The following MAD1L1 variants were observed in gnomAD, a reference collection of about 807,000 sequenced individuals.
MAD1L1 encodes mitotic arrest deficient 1 like 1.
A neutral mutation model predicts 96.9 loss-of-function variants in MAD1L1; 95 were observed. That is an observed-to-expected ratio of 0.98 (90% CI 0.83 to 1.16). The LOEUF (loss-of-function observed/expected upper bound fraction) is 1.16. Among genes scored for constraint, MAD1L1 ranks in the 50% most tolerant of loss-of-function variants. The pLI is 0.00. For missense variants in MAD1L1, 1,007 were observed against 954.4 expected (o/e 1.06, Z -0.73); for synonymous variants, 473 against 396.6 (o/e 1.19, Z -2.29).
In MAD1L1 at chr7:1,879,213, C is replaced by A. The variant is rs143479714; in HGVS notation, c.1998+18987G>T. Among the ~76,000 whole-genome samples, 76 of 152,148 alleles carry A rather than the reference C, an allele frequency of 5.0e-4. 1 individual carries two copies. In the East Asian group the frequency reaches 0.014, roughly 29 times the overall value. On this transcript the variant is annotated intron_variant, in intron 18 of 18. Transcript: ENST00000265854. ...TCCCGGCCGGGTGCAGTGGCTCATGCCTGTATTACAGGCAGGTGGATTGCC... is the reference window on the plus strand; with the variant it reads ...TCCCGGCCGGGTGCAGTGGCTCATGACTGTATTACAGGCAGGTGGATTGCC...
At chr7:1,882,594 C>T (rs549484698) in intron 18 of MAD1L1, among the ~76,000 whole-genome samples, 39 of 152,322 alleles carry the variant, frequency 2.6e-4, no homozygotes, top group Admixed American at 2.1e-3. Flanking sequence ...CCCGTGGCCA[C>T]AGGGTCCTGC....
intron 12 of MAD1L1, among the ~76,000 whole-genome samples, chr7:2,033,589 C>T (rs920822530): frequency 1.3e-5 from 2 of 152,230 alleles, no homozygotes; most frequent in African/African-American, 4.8e-5. Context: ...GAAAAATCAA[C>T]AATCAACAGA....
intron 17 of MAD1L1, among the ~76,000 whole-genome samples, chr7:1,915,752 A>G (rs1788347126): frequency 6.6e-6 from 1 of 152,184 alleles, no homozygotes; most frequent in Non-Finnish European, 1.5e-5. Context: ...AAACGACCCA[A>G]TGTCCACACG....
At chr7:1,941,354 G>A (rs73051862) in intron 16 of MAD1L1, among the ~76,000 whole-genome samples, 2 of 152,154 alleles carry the variant, frequency 1.3e-5, no homozygotes, top group Admixed American at 1.3e-4. Flanking sequence ...TTTCCCCCCT[G>A]ATGGGGGGCT....
chr7:2,135,277 A>G (rs1244149045), intron 11 of MAD1L1, among the ~76,000 whole-genome samples: 2 of 152,210 alleles, frequency 1.3e-5, no homozygotes, highest in Non-Finnish European at 2.9e-5. Context: ...ACTCCAAAAG[A>G]AGAGACCGTG....
At chr7:2,057,214 C>G (rs1348121149) in intron 12 of MAD1L1, among the ~76,000 whole-genome samples, 1 of 152,240 alleles carries the variant, frequency 6.6e-6, no homozygotes, top group African/African-American at 2.4e-5. Context: ...GCCAGGCTCA[C>G]AGGAGACGCA....
intron 11 of MAD1L1, among the ~76,000 whole-genome samples, chr7:2,106,455 C>T (rs565175021): frequency 2.0e-5 from 3 of 152,182 alleles, no homozygotes; most frequent in South Asian, 2.1e-4. Flanking sequence ...TTCCCACATG[C>T]GCTCCTGGAA....
chr7:2,226,363 T>C (rs960884051), intron 3 of MAD1L1, among the ~76,000 whole-genome samples: 5 of 149,910 alleles, frequency 3.3e-5, no homozygotes, highest in Admixed American at 2.7e-4. Flanking sequence ...CCACACAGGG[T>C]TAGTGATTAC....
intron 17 of MAD1L1, among the ~76,000 whole-genome samples, chr7:1,900,796 C>G (rs928864950): frequency 6.6e-6 from 1 of 152,194 alleles, no homozygotes; most frequent in Non-Finnish European, 1.5e-5. Flanking sequence ...GGAAACAGCC[C>G]TGTTTTCCGA....
At chr7:2,165,850 C>T (rs569370967) in intron 10 of MAD1L1, among the ~76,000 whole-genome samples, 1 of 152,222 alleles carries the variant, frequency 6.6e-6, no homozygotes, top group South Asian at 2.1e-4. Context: ...TGGATGGCCA[C>T]CCCATGCTGC....
At chr7:2,079,865 G>A (rs191152361) in intron 11 of MAD1L1, 4 of 406,438 alleles carry the variant, frequency 9.8e-6, no homozygotes, top group Non-Finnish European at 2.0e-5. Flanking sequence ...CTAAACAACC[G>A]CCCCATGCCC....
rs368526958 is a variant in MAD1L1, at chr7:1,993,372, G to A, written c.1416+8693C>T. 3.8e-4 allele frequency among the ~76,000 whole-genome samples: 58 copies of A among 152,376 alleles called. 1 individual carries two copies. The South Asian group carries it at 0.012, about 31-fold the overall frequency. ...CAGTCCGCAGACCAAGGCAATGCAA[G>A]AGGACTGGCAGGAACCTTGGCAAGC... On this transcript the variant is annotated intron_variant, in intron 14 of 18. Transcript: ENST00000265854.
At position 1,964,538 on chromosome 7, in the gene MAD1L1, G is replaced by A. The variant is rs542527720; in HGVS notation, c.1506-6819C>T. On this transcript the variant is annotated intron_variant, in intron 15 of 18. Coordinates refer to ENST00000265854, the MANE Select transcript of MAD1L1 (RefSeq NM_001013836.2). ...AAACGAATAAACAAGTTGGGGGGATGGTGCTCAAAAGCTCAGAATTCTGGT... is the reference window on the plus strand; with the variant it reads ...AAACGAATAAACAAGTTGGGGGGATAGTGCTCAAAAGCTCAGAATTCTGGT... Among the ~76,000 whole-genome samples the A allele has an allele frequency of 2.0e-5, 3 of 152,316 alleles. No homozygotes were observed. In the South Asian group the frequency reaches 6.2e-4, roughly 32 times the overall value.
chr7:1,827,208 G>C (rs1263771877), intron 18 of MAD1L1, among the ~76,000 whole-genome samples: 1 of 152,244 alleles, frequency 6.6e-6, no homozygotes, highest in East Asian at 1.9e-4. Context: ...GATGGAGAAG[G>C]TGGGAGAAGG....
At chr7:2,004,843 C>T (rs528393229) in intron 13 of MAD1L1, among the ~76,000 whole-genome samples, 6 of 152,350 alleles carry the variant, frequency 3.9e-5, no homozygotes, top group South Asian at 2.1e-4. Context: ...GCACTTCCAT[C>T]GATGGCTGGA....
chr7:2,228,850 C>G (rs879484807), intron 3 of MAD1L1, among the ~76,000 whole-genome samples: 3 of 152,038 alleles, frequency 2.0e-5, no homozygotes, highest in Non-Finnish European at 4.4e-5. Context: ...ACACCATTCT[C>G]CTGCTCCAGC....
intron 17 of MAD1L1, among the ~76,000 whole-genome samples, chr7:1,911,552 C>T (rs969072457): frequency 1.1e-4 from 17 of 152,268 alleles, no homozygotes; most frequent in African/African-American, 4.1e-4. Context: ...TCTGCTGCCA[C>T]AATGTGGCGG....
At chr7:2,077,084 G>A (rs945201892) in intron 11 of MAD1L1, among the ~76,000 whole-genome samples, 11 of 136,562 alleles carry the variant, frequency 8.1e-5, no homozygotes, top group South Asian at 4.4e-4. Context: ...ACAGAGTTAC[G>A]ACTTGGTGAG....
chr7:1,955,559 G>T (rs1779689327), intron 16 of MAD1L1, among the ~76,000 whole-genome samples: 1 of 152,230 alleles, frequency 6.6e-6, no homozygotes, highest in African/African-American at 2.4e-5. Flanking sequence ...CCAAAGTACT[G>T]GGATTACAGG....
Sources: gnomAD v4.1 joint callset for allele counts (sites outside exome capture counted in the v4.1 genomes callset) on GRCh38, gnomAD v4.1.1 for gene constraint, MANE v1.5 for transcripts, NCBI Gene and HGNC (gene_info 2026-07-23, HGNC 2026-07-21) for gene names.